The following LRP1B variants were observed in gnomAD, a reference collection of about 807,000 sequenced individuals.
LRP1B encodes LDL receptor related protein 1B, also known as low-density lipoprotein receptor-related protein 1B.
A neutral mutation model predicts 556.6 loss-of-function variants in LRP1B; 217 were observed. That is an observed-to-expected ratio of 0.39 (90% CI 0.35 to 0.44). The LOEUF (loss-of-function observed/expected upper bound fraction) is 0.44. Among genes scored for constraint, LRP1B ranks in the 20% least tolerant of loss-of-function variants. The pLI is 1.00. For synonymous variants in LRP1B, 2,047 were observed against 1,865.8 expected (o/e 1.10, Z -2.50); for missense variants, 5,053 against 5,620.8 (o/e 0.90, Z 3.23).
chr2:140,478,484 T>C (rs1688073877), intron 59 of LRP1B, among the ~76,000 whole-genome samples: 1 of 152,048 alleles, frequency 6.6e-6, no homozygotes, highest in Admixed American at 6.6e-5. Flanking sequence ...GTACTGGAGA[T>C]CATATAGCTT....
At chr2:140,844,792 C>T (rs538823282) in intron 29 of LRP1B, among the ~76,000 whole-genome samples, 25 of 152,202 alleles carry the variant, frequency 1.6e-4, no homozygotes, top group African/African-American at 5.8e-4. Context: ...AATGCATTGT[C>T]GAGCTCATAA....
In LRP1B at chr2:141,851,311, G is replaced by C. The variant is rs565961881; in HGVS notation, c.83-40910C>G. Reference sequence around the variant, plus strand: ...CCATTAACTCCAAGAAAGGTCAAGAGGTTGTCACCTTGGTGACCATCCCCT... The same window carrying C: ...CCATTAACTCCAAGAAAGGTCAAGACGTTGTCACCTTGGTGACCATCCCCT... On this transcript the variant is annotated intron_variant, in intron 1 of 90. Coordinates refer to ENST00000389484, the MANE Select transcript of LRP1B (RefSeq NM_018557.3). Among the ~76,000 whole-genome samples the C allele has an allele frequency of 5.3e-5, 8 of 151,912 alleles. No individual in the cohort carries two copies. In the South Asian group the frequency reaches 1.7e-3, roughly 31 times the overall value.
chr2:141,056,043 A>G (rs1411330082), intron 9 of LRP1B, among the ~76,000 whole-genome samples: 2 of 151,910 alleles, frequency 1.3e-5, no homozygotes, highest in Non-Finnish European at 2.9e-5. Flanking sequence ...TTTCTTTTAG[A>G]TCACCCACTT....
At chr2:140,970,516 C>T (rs1379769470) in intron 18 of LRP1B, among the ~76,000 whole-genome samples, 1 of 152,022 alleles carries the variant, frequency 6.6e-6, no homozygotes, top group Non-Finnish European at 1.5e-5. Context: ...GCCTTCTTTT[C>T]TCAACTCGTC....
At chr2:141,111,256 T>C (rs1399865364) in intron 7 of LRP1B, among the ~76,000 whole-genome samples, 8 of 152,192 alleles carry the variant, frequency 5.3e-5, no homozygotes, top group Non-Finnish European at 1.2e-4. Context: ...ATACTTAATG[T>C]ATACTGTGCC....
At chr2:140,977,312 G>C (rs75436304) in intron 18 of LRP1B, among the ~76,000 whole-genome samples, 20,073 of 152,100 alleles carry the variant, frequency 0.13, 1,648 homozygotes, top group East Asian at 0.33. Context: ...GATATGACTT[G>C]CTCCTCCTTG....
At chr2:141,211,070 C>T (rs964075471) in intron 6 of LRP1B, among the ~76,000 whole-genome samples, 1 of 152,050 alleles carries the variant, frequency 6.6e-6, no homozygotes, top group Non-Finnish European at 1.5e-5. Context: ...TCACTGCAAC[C>T]TCTGCCTTCC....
At chr2:141,395,786 C>G (rs1690219845) in intron 3 of LRP1B, among the ~76,000 whole-genome samples, 1 of 152,044 alleles carries the variant, frequency 6.6e-6, no homozygotes, top group African/African-American at 2.4e-5. Context: ...ATTCAAGAAG[C>G]ACAAGTATTT....
rs987839151 is a variant in LRP1B, at chr2:140,670,331, CA to C, written c.6799+29918del. Among the ~76,000 whole-genome samples, 12 of 151,904 alleles carry C rather than the reference CA, an allele frequency of 7.9e-5. No homozygotes were observed. The South Asian group carries it at 2.5e-3, about 32-fold the overall frequency. ...CAAAGAAAGTTGGAAAAGATATTGACAAAAAAAGGTAGAAAGAAAAGCGGTC... is the reference window on the plus strand; with the variant it reads ...CAAAGAAAGTTGGAAAAGATATTGACAAAAAAGGTAGAAAGAAAAGCGGTC... On this transcript the variant is annotated intron_variant, in intron 41 of 90. Transcript: ENST00000389484.
intron 41 of LRP1B, chr2:140,683,268 A>T: frequency 2.9e-6 from 1 of 348,896 alleles, no homozygotes; most frequent in Non-Finnish European, 5.5e-6. Context: ...ATCACTGGGA[A>T]TGTTTTCTCA....
intron 15 of LRP1B, among the ~76,000 whole-genome samples, chr2:140,999,080 A>G (rs1275251667): frequency 1.3e-5 from 2 of 152,118 alleles, no homozygotes; most frequent in East Asian, 3.9e-4. Flanking sequence ...ACTAAGGCTA[A>G]CATATCTTTG....
intron 1 of LRP1B, among the ~76,000 whole-genome samples, chr2:142,017,237 A>G (rs548203397): frequency 6.6e-6 from 1 of 152,308 alleles, no homozygotes; most frequent in East Asian, 1.9e-4. Flanking sequence ...AATTGATGCC[A>G]TAATTGAGTA....
At chr2:141,105,361 T>G (rs1277103016) in intron 7 of LRP1B, among the ~76,000 whole-genome samples, 1 of 152,170 alleles carries the variant, frequency 6.6e-6, no homozygotes, top group Non-Finnish European at 1.5e-5. Context: ...TTTATACTTT[T>G]TTCTAGAAAT....
intron 2 of LRP1B, among the ~76,000 whole-genome samples, chr2:141,539,524 A>G (rs1215022106): frequency 6.6e-6 from 1 of 152,152 alleles, no homozygotes; most frequent in Non-Finnish European, 1.5e-5. Context: ...CTAATTCTTC[A>G]GATATTTATG....
At chr2:141,008,746 G>T (rs928378856) in intron 14 of LRP1B, among the ~76,000 whole-genome samples, 2 of 151,886 alleles carry the variant, frequency 1.3e-5, no homozygotes, top group Non-Finnish European at 2.9e-5. Flanking sequence ...CATAGAGTGT[G>T]TTTGATAAAT....
At chr2:142,117,991 CT>C (rs1419855098) in intron 1 of LRP1B, among the ~76,000 whole-genome samples, 55 of 152,222 alleles carry the variant, frequency 3.6e-4, no homozygotes, top group Non-Finnish European at 2.9e-5. Flanking sequence ...TTTAAGCAGC[CT>C]TTTCCTCTGA....
intron 1 of LRP1B, among the ~76,000 whole-genome samples, chr2:141,848,576 A>G (rs1360687263): frequency 1.3e-5 from 2 of 151,618 alleles, no homozygotes; most frequent in African/African-American, 4.8e-5. Flanking sequence ...AATAAAATAC[A>G]GAATGAAAAA....
intron 71 of LRP1B, among the ~76,000 whole-genome samples, chr2:140,367,386 T>G (rs1682809253): frequency 6.6e-6 from 1 of 151,712 alleles, no homozygotes. Context: ...CAGCTTACAT[T>G]GCCATCTCTG....
intron 3 of LRP1B, among the ~76,000 whole-genome samples, chr2:141,393,728 G>C (rs766672619): frequency 1.5e-4 from 23 of 151,970 alleles, no homozygotes; most frequent in Admixed American, 8.5e-4. Flanking sequence ...GTACAGAAAA[G>C]CAACAACAGA....
Sources: gnomAD v4.1 joint callset for allele counts (sites outside exome capture counted in the v4.1 genomes callset) on GRCh38, gnomAD v4.1.1 for gene constraint, MANE v1.5 for transcripts, NCBI Gene and HGNC (gene_info 2026-07-23, HGNC 2026-07-21) for gene names.